MARCHF3: variants seen among roughly 807,000 people sequenced by gnomAD.
The protein encoded by MARCHF3 is membrane associated ring-CH-type finger 3, also known as E3 ubiquitin-protein ligase MARCHF3.
MARCHF3 carries 13 observed loss-of-function variants against 24.2 expected under a neutral mutation model. The observed-to-expected ratio is 0.54, with a 90% CI of 0.35 to 0.85. The LOEUF (loss-of-function observed/expected upper bound fraction) is 0.85. Among genes scored for constraint, MARCHF3 ranks in the 40% least tolerant of loss-of-function variants. The pLI is 0.01. For synonymous variants in MARCHF3, 144 were observed against 137.3 expected (o/e 1.05, Z -0.34); for missense variants, 276 against 325.0 (o/e 0.85, Z 1.16).
chr5:126,899,302 GCC>G, intron 3 of MARCHF3: 1 of 985,284 alleles, frequency 1.0e-6, no homozygotes, highest in Non-Finnish European at 1.2e-6. Flanking sequence ...TTGAGGGAGA[GCC>G]ACAAATAATT....
At chr5:126,885,990 G>GTATATA (rs150937892) in intron 3 of MARCHF3, among the ~76,000 whole-genome samples, 3 of 147,224 alleles carry the variant, frequency 2.0e-5, no homozygotes, top group African/African-American at 7.5e-5. Flanking sequence ...CAATTACTAT[G>GTATATA]TATATATATA....
At chr5:127,008,069 T>A (rs1473823973) in intron 1 of MARCHF3, among the ~76,000 whole-genome samples, 1 of 152,182 alleles carries the variant, frequency 6.6e-6, no homozygotes, top group Non-Finnish European at 1.5e-5. Context: ...GGTGCAAATG[T>A]CAATCCATGT....
At chr5:126,987,665 C>G (rs1215753552) in intron 1 of MARCHF3, among the ~76,000 whole-genome samples, 5 of 152,182 alleles carry the variant, frequency 3.3e-5, no homozygotes, top group African/African-American at 1.2e-4. Context: ...GAGAAAACTT[C>G]AGGAAAGTCA....
At chr5:127,026,747 T>C (rs1411650513) in intron 1 of MARCHF3, among the ~76,000 whole-genome samples, 1 of 152,198 alleles carries the variant, frequency 6.6e-6, no homozygotes, top group Non-Finnish European at 1.5e-5. Context: ...TTTGCTCATC[T>C]GTAACAAAGT....
At chr5:126,899,679 A>C (rs1179332630) in intron 3 of MARCHF3, among the ~76,000 whole-genome samples, 1 of 152,120 alleles carries the variant, frequency 6.6e-6, no homozygotes, top group African/African-American at 2.4e-5. Context: ...CTAGAGTACA[A>C]AGAGACACAG....
intron 1 of MARCHF3, among the ~76,000 whole-genome samples, chr5:126,930,999 G>A (rs1749464491): frequency 6.6e-6 from 1 of 152,224 alleles, no homozygotes; most frequent in South Asian, 2.1e-4. Context: ...CATGAAAAAT[G>A]TGTATTTTGG....
chr5:126,867,868 T>G lies in MARCHF3; in HGVS notation c.*2765A>C, dbSNP rs1752819640. 1 of 152,266 alleles carries G rather than the reference T, an allele frequency of 6.6e-6. No homozygotes were observed. The highest frequency in any genetic ancestry group is 2.4e-5 in the African/African-American group (1 of 41,452). The allele number at this position is 152,266 out of a possible 1,614,324, so 9.4% of individuals were successfully genotyped here. On this transcript the variant is annotated 3_prime_UTR_variant, in exon 5 of 5. Transcript: ENST00000308660. The stretch of plus-strand genomic sequence containing the variant: ...CACATATGCAGGGCAGGCAAGAGCA[T>G]GCTGGATTTGTCTTAGTTGTTAATT...
intron 1 of MARCHF3, among the ~76,000 whole-genome samples, chr5:127,018,578 T>C (rs1181212046): frequency 6.6e-6 from 1 of 151,980 alleles, no homozygotes; most frequent in East Asian, 1.9e-4. Flanking sequence ...AAACTGAAGA[T>C]GTGTGATCCA....
chr5:126,941,428 C>A (rs556701940), intron 1 of MARCHF3, among the ~76,000 whole-genome samples: 50 of 148,894 alleles, frequency 3.4e-4, no homozygotes, highest in Admixed American at 1.4e-4. Context: ...TGACACCATC[C>A]ATCCAACAAT....
chr5:126,941,674 GA>G (rs1289985622), intron 1 of MARCHF3, among the ~76,000 whole-genome samples: 1 of 152,212 alleles, frequency 6.6e-6, no homozygotes, highest in East Asian at 1.9e-4. Flanking sequence ...CTGACCCCAG[GA>G]AAGCATATTC....
chr5:126,902,573 G>C (rs1754144564), intron 3 of MARCHF3, among the ~76,000 whole-genome samples: 1 of 152,120 alleles, frequency 6.6e-6, no homozygotes, highest in African/African-American at 2.4e-5. Context: ...TTTACCAGCA[G>C]TGGATGGGCT....
intron 3 of MARCHF3, among the ~76,000 whole-genome samples, chr5:126,906,945 G>C (rs1273386631): frequency 6.6e-6 from 1 of 151,682 alleles, no homozygotes; most frequent in Admixed American, 6.6e-5. Context: ...GCTTTCTCTT[G>C]TGGGCATTTA....
chr5:127,013,256 C>T (rs1292749568), intron 1 of MARCHF3, among the ~76,000 whole-genome samples: 1 of 152,136 alleles, frequency 6.6e-6, no homozygotes, highest in Non-Finnish European at 1.5e-5. Flanking sequence ...TTTTGCTATA[C>T]ATTTTGTTAT....
chr5:126,890,164 C>T (rs1184180690), intron 3 of MARCHF3, among the ~76,000 whole-genome samples: 6 of 151,984 alleles, frequency 3.9e-5, no homozygotes, highest in Non-Finnish European at 8.8e-5. Flanking sequence ...GGGCAATGTT[C>T]TCTATTTTGC....
chr5:126,982,113 G>T (rs950553244), intron 1 of MARCHF3, among the ~76,000 whole-genome samples: 1 of 152,214 alleles, frequency 6.6e-6, no homozygotes, highest in South Asian at 2.1e-4. Flanking sequence ...ACCTGGTTCC[G>T]CTGTCCAAAC....
intron 1 of MARCHF3, among the ~76,000 whole-genome samples, chr5:126,926,107 G>A (rs1487868779): frequency 6.6e-6 from 1 of 152,226 alleles, no homozygotes; most frequent in Non-Finnish European, 1.5e-5. Context: ...TCATTTCCAA[G>A]TTGTACCTCA....
chr5:127,016,297 T>A (rs930363632), intron 1 of MARCHF3, among the ~76,000 whole-genome samples: 22 of 152,238 alleles, frequency 1.4e-4, no homozygotes, highest in Middle Eastern at 3.4e-3. Flanking sequence ...CACAAAAAAA[T>A]TTATTTTTTA....
intron 1 of MARCHF3, among the ~76,000 whole-genome samples, chr5:126,936,619 T>C (rs1749655631): frequency 6.6e-6 from 1 of 152,240 alleles, no homozygotes; most frequent in Admixed American, 6.5e-5. Flanking sequence ...GTTTCTGCTT[T>C]TTGTATTTTT....
intron 1 of MARCHF3, among the ~76,000 whole-genome samples, chr5:126,934,116 T>C (rs886645826): frequency 2.0e-5 from 3 of 152,194 alleles, no homozygotes; most frequent in African/African-American, 7.2e-5. Flanking sequence ...AAGACTGCAT[T>C]CACAGGAATA....
Sources: allele counts gnomAD v4.1 joint callset (sites outside exome capture counted in the v4.1 genomes callset), GRCh38; gene constraint gnomAD v4.1.1; transcripts MANE v1.5; gene names NCBI Gene and HGNC (gene_info 2026-07-23, HGNC 2026-07-21).